Variants in CFAP299 observed in about 807,000 individuals in gnomAD.
The protein encoded by CFAP299 is cilia- and flagella-associated protein 299.
In CFAP299, 21 loss-of-function variants were observed where a neutral mutation model predicts 27.0. That is an observed-to-expected ratio of 0.78 (90% CI 0.55 to 1.12). CFAP299 has a LOEUF of 1.12. Among genes scored for constraint, CFAP299 ranks in the 50% most tolerant of loss-of-function variants. The pLI is 0.00. For synonymous variants in CFAP299, 104 were observed against 98.1 expected, an observed-to-expected ratio of 1.06 and a Z score of -0.36; for missense variants, 310 against 276.6, an observed-to-expected ratio of 1.12 and a Z score of -0.86.
Position 80,860,620 on chromosome 4 carries a change from T to C in CFAP299, c.334-9373T>C, listed in dbSNP as rs1327565361. 2.0e-5 allele frequency among the ~76,000 whole-genome samples: 3 copies of C among 152,316 alleles called. No individual in the cohort carries two copies. The East Asian group carries it at 5.8e-4, about 29-fold the overall frequency. ...GTGCTTTCTGTTTGTTAGTTTTCCT[T>C]CTAACAGACAGAACCTTCAGCTGCA... On this transcript the variant is annotated intron_variant, in intron 3 of 5. Coordinates refer to ENST00000358105, the MANE Select transcript of CFAP299 (RefSeq NM_152770.3).
intron 4 of CFAP299, among the ~76,000 whole-genome samples, chr4:80,927,423 AAT>A (rs1319220610): frequency 6.6e-6 from 1 of 152,046 alleles, no homozygotes; most frequent in Admixed American, 6.6e-5. Flanking sequence ...TCCAAGGTCT[AAT>A]ATATTGGTTT....
intron 4 of CFAP299, among the ~76,000 whole-genome samples, chr4:80,895,918 C>T (rs899960588): frequency 2.6e-5 from 4 of 152,068 alleles, no homozygotes; most frequent in Middle Eastern, 3.2e-3. Flanking sequence ...TTCCCGCCAA[C>T]TCAGTAAATG....
At chr4:80,531,895 A>G (rs1276899844) in intron 2 of CFAP299, among the ~76,000 whole-genome samples, 1 of 151,992 alleles carries the variant, frequency 6.6e-6, no homozygotes, top group Non-Finnish European at 1.5e-5. Context: ...CTGGGATTAC[A>G]GTCATGCACC....
At chr4:80,591,243 C>T (rs2109885683) in intron 3 of CFAP299, among the ~76,000 whole-genome samples, 2 of 149,044 alleles carry the variant, frequency 1.3e-5, no homozygotes, top group Middle Eastern at 6.9e-3. Flanking sequence ...CCTGCCTCAG[C>T]CTCCCAAGTA....
intron 3 of CFAP299, among the ~76,000 whole-genome samples, chr4:80,763,687 G>A (rs937762146): frequency 3.2e-4 from 49 of 152,146 alleles, no homozygotes; most frequent in African/African-American, 3.1e-4. Context: ...GAGGCATCAC[G>A]CTAACTGACT....
chr4:80,330,618 G>A, the CFAP299 span, among the ~76,000 whole-genome samples: 2 of 152,084 alleles, frequency 1.3e-5, no homozygotes, highest in African/African-American at 2.4e-5. Context: ...ACATTTTCAT[G>A]ACAACTTCCA....
intron 3 of CFAP299, among the ~76,000 whole-genome samples, chr4:80,800,523 T>TC (rs1219368536): frequency 6.4e-3 from 25 of 3,886 alleles, no homozygotes; most frequent in African/African-American, 0.01. Context: ...ATATAATATA[T>TC]AATATATTAT....
At chr4:80,482,446 C>T (rs1730611968) in intron 2 of CFAP299, among the ~76,000 whole-genome samples, 1 of 151,994 alleles carries the variant, frequency 6.6e-6, no homozygotes, top group Non-Finnish European at 1.5e-5. Context: ...TATTTTAGCA[C>T]ATAAACTTGA....
At chr4:80,916,275 A>ATATG (rs1553905991) in intron 4 of CFAP299, among the ~76,000 whole-genome samples, 1 of 112,608 alleles carries the variant, frequency 8.9e-6, no homozygotes, top group East Asian at 2.3e-4. Flanking sequence ...ATATATATAT[A>ATATG]TATATATATA....
chr4:80,573,847 T>TTTCGCTGCTG (rs1735717155), intron 2 of CFAP299, among the ~76,000 whole-genome samples: 1 of 152,162 alleles, frequency 6.6e-6, no homozygotes, highest in Non-Finnish European at 1.5e-5. Flanking sequence ...TACCATGCTG[T>TTTCGCTGCTG]TTCAGTTACT....
At chr4:80,666,019 CAATT>C (rs1741129536) in intron 3 of CFAP299, among the ~76,000 whole-genome samples, 2 of 152,128 alleles carry the variant, frequency 1.3e-5, no homozygotes, top group African/African-American at 4.8e-5. Context: ...AACTATAAGA[CAATT>C]AAACTTCTTT....
intron 4 of CFAP299, among the ~76,000 whole-genome samples, chr4:80,930,358 G>T (rs1736555323): frequency 6.6e-6 from 1 of 152,094 alleles, no homozygotes; most frequent in East Asian, 1.9e-4. Context: ...TCTGTGAGCT[G>T]CCGTAGCAAG....
intron 2 of CFAP299, among the ~76,000 whole-genome samples, chr4:80,546,259 A>AT (rs1734221992): frequency 6.6e-6 from 1 of 152,148 alleles, no homozygotes; most frequent in Admixed American, 6.5e-5. Flanking sequence ...TTTAGGACTG[A>AT]TAAACAACTT....
rs375749146 is a variant in CFAP299, at chr4:80,422,272, G to T, written c.242+59388G>T. 6.2e-3 allele frequency among the ~76,000 whole-genome samples: 941 copies of T among 152,068 alleles called. 2 individuals are homozygous for T. Among genetic ancestry groups the T allele is most frequent in the Middle Eastern group, 0.024 (7 of 294 alleles). ...ACCATAGTGTCCTATAAAGTTGTTG[G>T]TATAACAAACCAGATGGGAAGCAGA... On this transcript the variant is annotated intron_variant, in intron 2 of 5. Transcript: ENST00000358105.
chr4:80,759,200 T>C lies in CFAP299; in HGVS notation c.334-110793T>C, dbSNP rs570339580. Among the ~76,000 whole-genome samples, 3 of 152,306 alleles carry C rather than the reference T, an allele frequency of 2.0e-5. No homozygotes were observed. In the South Asian group the frequency reaches 6.2e-4, roughly 32 times the overall value. Reference sequence around the variant, plus strand: ...TTATTTATATGATAAATATCTCTTATGTACTGACACTGTGTATAGGCTCTG... The same window carrying C: ...TTATTTATATGATAAATATCTCTTACGTACTGACACTGTGTATAGGCTCTG... On this transcript the variant is annotated intron_variant, in intron 3 of 5. Transcript: ENST00000358105.
chr4:80,572,797 G>T (rs1053751965), intron 2 of CFAP299, among the ~76,000 whole-genome samples: 4 of 151,834 alleles, frequency 2.6e-5, no homozygotes, highest in African/African-American at 9.7e-5. Context: ...AATTACAGGC[G>T]TGAGCCATCA....
chr4:80,698,356 T>C (rs1721246307), intron 3 of CFAP299, among the ~76,000 whole-genome samples: 1 of 152,206 alleles, frequency 6.6e-6, no homozygotes, highest in African/African-American at 2.4e-5. Flanking sequence ...TCCCAGAATC[T>C]AGCCCAGTGT....
intron 3 of CFAP299, among the ~76,000 whole-genome samples, chr4:80,802,812 G>A (rs1207729849): frequency 1.3e-5 from 2 of 151,972 alleles, no homozygotes; most frequent in East Asian, 3.8e-4. Context: ...CAATATGTAA[G>A]AAATTGCATT....
chr4:80,762,545 G>A (rs942174379), intron 3 of CFAP299, among the ~76,000 whole-genome samples: 1 of 152,118 alleles, frequency 6.6e-6, no homozygotes, highest in Non-Finnish European at 1.5e-5. Context: ...GTAAGTTAGA[G>A]CATAACTTTA....
Sources: allele counts gnomAD v4.1 joint callset (sites outside exome capture counted in the v4.1 genomes callset), GRCh38; gene constraint gnomAD v4.1.1; transcripts MANE v1.5; gene names NCBI Gene and HGNC (gene_info 2026-07-23, HGNC 2026-07-21).